The following PICALM variants were observed in gnomAD, a reference collection of about 807,000 sequenced individuals.
PICALM encodes the protein phosphatidylinositol-binding clathrin assembly protein.
Under a neutral mutation model 80.5 loss-of-function variants are expected in PICALM, and 40 were observed. That is an observed-to-expected ratio of 0.50 (90% CI 0.39 to 0.65). PICALM has a LOEUF of 0.65. PICALM is among the 30% of genes least tolerant of loss of function. The pLI is 0.00. For missense variants in PICALM, 676 were observed against 778.9 expected (o/e 0.87, Z 1.57); for synonymous variants, 288 against 260.3 (o/e 1.11, Z -1.02).
chr11:86,047,405 A>G (rs1308088278), intron 1 of PICALM, among the ~76,000 whole-genome samples: 1 of 152,262 alleles, frequency 6.6e-6, no homozygotes, highest in Non-Finnish European at 1.5e-5. Flanking sequence ...ATTCAACTCA[A>G]GTTCACAAGT....
At chr11:85,980,697 C>A (rs987890360) in intron 17 of PICALM, among the ~76,000 whole-genome samples, 2 of 151,972 alleles carry the variant, frequency 1.3e-5, no homozygotes, top group African/African-American at 4.8e-5. Flanking sequence ...AATTTGAGGT[C>A]AGTAATATAG....
At position 86,056,816 on chromosome 11, in the gene PICALM, T is replaced by C. The variant is rs748229854; in HGVS notation, c.130+11835A>G. Among the ~76,000 whole-genome samples the C allele has an allele frequency of 5.3e-5, 8 of 152,210 alleles. 1 individual carries two copies. The highest frequency in any genetic ancestry group is 2.9e-5 in the Non-Finnish European group (2 of 68,040). Reference sequence around the variant, plus strand: ...GGTATAAATGAAATGTGGGTAACTATACAAGGGAGTATTACTCACCTATAA... The same window carrying C: ...GGTATAAATGAAATGTGGGTAACTACACAAGGGAGTATTACTCACCTATAA... On this transcript the variant is annotated intron_variant, in intron 1 of 19. Transcript: ENST00000393346.
intron 13 of PICALM, among the ~76,000 whole-genome samples, chr11:85,988,993 G>A (rs1371113243): frequency 1.3e-5 from 2 of 152,176 alleles, no homozygotes; most frequent in Non-Finnish European, 2.9e-5. Context: ...CACATATGCA[G>A]CATAGTTAAG....
At chr11:85,967,971 T>A (rs2093960875) in intron 19 of PICALM, among the ~76,000 whole-genome samples, 1 of 152,196 alleles carries the variant, frequency 6.6e-6, no homozygotes, top group African/African-American at 2.4e-5. Context: ...TTTTGCATCT[T>A]TAACCATATC....
intron 1 of PICALM, among the ~76,000 whole-genome samples, chr11:86,047,629 A>G (rs1476365582): frequency 6.6e-6 from 1 of 152,248 alleles, no homozygotes; most frequent in African/African-American, 2.4e-5. Context: ...ATCAATTCTA[A>G]GTAATAGCAG....
chr11:85,996,920 C>T lies in PICALM; in HGVS notation c.1164G>A (p.Lys388=), dbSNP rs2094983611. Residue 388 remains lysine, a synonymous_variant, in exon 12 of 20, where the codon AAG becomes AAA. Transcript: ENST00000393346. ...GCAAATCAAGCAGATCATTGGGCAG[C>T]TTTGATGTGCTAGAAAGATATTTTG... ...STPSSSNSTS[K]LPNDLLDLQQ... is the part of the protein sequence containing the mutation. 6.2e-7 allele frequency: 1 copy of T among 1,608,610 alleles called. No individual in the cohort carries two copies. The highest frequency in any genetic ancestry group is 8.5e-7 in the Non-Finnish European group (1 of 1,176,422).
At chr11:85,999,371 G>C (rs1178530389) in intron 11 of PICALM, among the ~76,000 whole-genome samples, 1 of 152,164 alleles carries the variant, frequency 6.6e-6, no homozygotes, top group Non-Finnish European at 1.5e-5. Flanking sequence ...TTTTTAGTAT[G>C]TGACATAAAA....
chr11:86,067,293 T>C (rs888250203), intron 1 of PICALM, among the ~76,000 whole-genome samples: 2 of 152,246 alleles, frequency 1.3e-5, no homozygotes, highest in Non-Finnish European at 2.9e-5. Context: ...TAAAACAAAG[T>C]AACTTTCATG....
intron 19 of PICALM, among the ~76,000 whole-genome samples, chr11:85,964,599 C>T (rs1338859325): frequency 6.6e-6 from 1 of 152,198 alleles, no homozygotes; most frequent in Non-Finnish European, 1.5e-5. Flanking sequence ...CTACTACCTA[C>T]CATCAAATGT....
chr11:85,958,794 G>C lies in PICALM; in HGVS notation c.*252C>G, dbSNP rs980899917. The stretch of plus-strand genomic sequence containing the variant: ...TTAACAGGAGTTGAAAGAATTGAAG[G>C]GTTAGTCACCAAAAAGACAGATCTT... On this transcript the variant is annotated 3_prime_UTR_variant, in exon 20 of 20. Transcript: ENST00000393346. 3 of 393,378 alleles carry C rather than the reference G, an allele frequency of 7.6e-6. No homozygotes were observed. Among genetic ancestry groups the C allele is most frequent in the African/African-American group, 6.1e-5 (3 of 49,288 alleles). The allele number at this position is 393,378 out of a possible 1,614,324, so 24.4% of individuals were successfully genotyped here. A position where few individuals can be genotyped will look rare whatever the true frequency, so the allele number is the denominator to read the frequency against.
chr11:86,064,383 G>T (rs2096412631), intron 1 of PICALM, among the ~76,000 whole-genome samples: 1 of 152,126 alleles, frequency 6.6e-6, no homozygotes. Flanking sequence ...AGACATACAG[G>T]ATATGGTGAC....
intron 17 of PICALM, among the ~76,000 whole-genome samples, chr11:85,980,922 C>T (rs2094423879): frequency 1.3e-5 from 2 of 152,278 alleles, no homozygotes; most frequent in Middle Eastern, 3.4e-3. Context: ...ATGTCTGGCA[C>T]AAAGTAACCC....
At chr11:86,002,267 CA>C (rs2136122230) in intron 9 of PICALM, among the ~76,000 whole-genome samples, 1 of 152,130 alleles carries the variant, frequency 6.6e-6, no homozygotes, top group Non-Finnish European at 1.5e-5. Flanking sequence ...TACTAAAATC[CA>C]ATAACGGCAT....
chr11:86,057,358 G>A (rs2096285076), intron 1 of PICALM, among the ~76,000 whole-genome samples: 1 of 152,092 alleles, frequency 6.6e-6, no homozygotes, highest in South Asian at 2.1e-4. Context: ...GACCAACATG[G>A]TGAAACCCCG....
At chr11:86,066,926 A>T (rs886655390) in intron 1 of PICALM, among the ~76,000 whole-genome samples, 5 of 152,244 alleles carry the variant, frequency 3.3e-5, no homozygotes, top group Non-Finnish European at 5.9e-5. Flanking sequence ...GATGCATTTT[A>T]AAAAGTTTTC....
intron 9 of PICALM, among the ~76,000 whole-genome samples, chr11:86,002,186 T>C (rs1391487438): frequency 1.3e-5 from 2 of 152,186 alleles, no homozygotes; most frequent in African/African-American, 2.4e-5. Context: ...TAAATGAGAC[T>C]TATTGTTTTG....
In PICALM at chr11:85,957,309, G is replaced by A. The variant is rs187825986; in HGVS notation, c.*1737C>T. Among the ~76,000 whole-genome samples the A allele has an allele frequency of 7.2e-5, 11 of 152,106 alleles. No homozygotes were observed. Among genetic ancestry groups the A allele is most frequent in the Non-Finnish European group, 1.6e-4 (11 of 68,024 alleles). On this transcript the variant is annotated 3_prime_UTR_variant, in exon 20 of 20. Transcript: ENST00000393346. ...TGCAAAGCTTTTGATCCTTTATCAT[G>A]TACTCTGAACCCTATGCACTACTAA...
At chr11:85,995,986 T>C (rs977992874) in intron 12 of PICALM, among the ~76,000 whole-genome samples, 3 of 152,150 alleles carry the variant, frequency 2.0e-5, no homozygotes, top group African/African-American at 7.2e-5. Flanking sequence ...TGAAATCTAG[T>C]GTTTTAGGGT....
chr11:86,039,682 T>C (rs1209831873), intron 1 of PICALM, among the ~76,000 whole-genome samples: 1 of 152,170 alleles, frequency 6.6e-6, no homozygotes, highest in African/African-American at 2.4e-5. Flanking sequence ...CAGAGGTAAG[T>C]ATTCCTGGGA....
Sources: gnomAD v4.1 joint callset for allele counts (sites outside exome capture counted in the v4.1 genomes callset) on GRCh38, gnomAD v4.1.1 for gene constraint, MANE v1.5 for transcripts, NCBI Gene and HGNC (gene_info 2026-07-23, HGNC 2026-07-21) for gene names.